The following LRRC4C variants were observed in gnomAD, a reference collection of about 807,000 sequenced individuals.
LRRC4C encodes leucine rich repeat containing 4C.
LRRC4C carries 5 observed loss-of-function variants against 33.6 expected under a neutral mutation model. That is an observed-to-expected ratio of 0.15 (90% CI 0.08 to 0.31). LRRC4C has a LOEUF of 0.31. Ranked by LOEUF, LRRC4C falls within the 10% of genes least tolerant of loss-of-function variation. The pLI, the probability that LRRC4C is intolerant of heterozygous loss-of-function variation, is 1.00. For synonymous variants in LRRC4C, 329 were observed against 302.0 expected, an observed-to-expected ratio of 1.09 and a Z score of -0.93; for missense variants, 560 against 796.7, an observed-to-expected ratio of 0.70 and a Z score of 3.58.
At chr11:40,951,055 A>C (rs1336904262) in intron 1 of LRRC4C, among the ~76,000 whole-genome samples, 4 of 151,938 alleles carry the variant, frequency 2.6e-5, no homozygotes, top group Admixed American at 2.6e-4. Context: ...ATAAGGTGAA[A>C]TATGAGCTGC....
At chr11:40,947,249 G>A (rs1253374228) in intron 1 of LRRC4C, among the ~76,000 whole-genome samples, 2 of 152,068 alleles carry the variant, frequency 1.3e-5, no homozygotes, top group African/African-American at 4.8e-5. Context: ...ATTCCCAATT[G>A]TAAAACGATG....
chr11:40,848,312 G>A (rs1271866550), intron 2 of LRRC4C, among the ~76,000 whole-genome samples: 1 of 152,030 alleles, frequency 6.6e-6, no homozygotes, highest in African/African-American at 2.4e-5. Flanking sequence ...TCTAAACATT[G>A]CTTTAGCTGT....
chr11:40,240,189 C>T (rs1865838237), intron 5 of LRRC4C, among the ~76,000 whole-genome samples: 1 of 152,086 alleles, frequency 6.6e-6, no homozygotes, highest in Non-Finnish European at 1.5e-5. Flanking sequence ...CATGTCTTTC[C>T]AGGCATCCAT....
intron 2 of LRRC4C, among the ~76,000 whole-genome samples, chr11:40,762,103 T>C (rs1333180912): frequency 1.3e-5 from 2 of 152,148 alleles, no homozygotes; most frequent in African/African-American, 4.8e-5. Context: ...AATTGGCTAT[T>C]TTTTCTGCAG....
chr11:40,895,322 AAT>A (rs1458337014), intron 2 of LRRC4C, among the ~76,000 whole-genome samples: 2 of 132,426 alleles, frequency 1.5e-5, no homozygotes, highest in Non-Finnish European at 1.6e-5. Context: ...TTTTAAATAT[AAT>A]ATGTTAAAAA....
chr11:40,948,374 T>C (rs1484938718), intron 1 of LRRC4C, among the ~76,000 whole-genome samples: 2 of 152,090 alleles, frequency 1.3e-5, no homozygotes, highest in Non-Finnish European at 2.9e-5. Context: ...CTTTTTCTTT[T>C]TTATTATTAT....
chr11:40,610,235 A>T (rs1194922658), intron 3 of LRRC4C, among the ~76,000 whole-genome samples: 1 of 152,028 alleles, frequency 6.6e-6, no homozygotes, highest in Non-Finnish European at 1.5e-5. Flanking sequence ...ATATATGAAC[A>T]TCAACCAATG....
intron 3 of LRRC4C, among the ~76,000 whole-genome samples, chr11:40,464,467 C>A (rs140318758): frequency 1.3e-5 from 2 of 151,930 alleles, no homozygotes; most frequent in African/African-American, 4.8e-5. Flanking sequence ...TACTGGAAGT[C>A]CTAGCAAGAG....
At chr11:41,114,892 C>T (rs2135723754) in intron 1 of LRRC4C, among the ~76,000 whole-genome samples, 1 of 151,942 alleles carries the variant, frequency 6.6e-6, no homozygotes, top group South Asian at 2.1e-4. Flanking sequence ...TTCAAAAGTT[C>T]AAAAGTAATT....
At chr11:40,790,240 G>A (rs1418539826) in intron 2 of LRRC4C, among the ~76,000 whole-genome samples, 1 of 152,124 alleles carries the variant, frequency 6.6e-6, no homozygotes, top group Non-Finnish European at 1.5e-5. Context: ...CTCATTTGAA[G>A]TTCTTATTTG....
chr11:40,950,439 A>G (rs1297952910), intron 1 of LRRC4C, among the ~76,000 whole-genome samples: 6 of 151,932 alleles, frequency 3.9e-5, no homozygotes, highest in Non-Finnish European at 8.8e-5. Flanking sequence ...ATTTTCCCCA[A>G]ATTTTCAAAT....
intron 3 of LRRC4C, among the ~76,000 whole-genome samples, chr11:40,365,993 G>T (rs547507285): frequency 6.6e-6 from 1 of 152,026 alleles, no homozygotes; most frequent in Non-Finnish European, 1.5e-5. Context: ...AGATTCAGTG[G>T]GGTATACAGA....
chr11:40,227,949 G>A lies in LRRC4C; in HGVS notation c.-96+13570C>T, dbSNP rs547939431. Among the ~76,000 whole-genome samples the A allele has an allele frequency of 5.3e-5, 8 of 152,254 alleles. 1 individual carries two copies. The South Asian group carries it at 1.7e-3, about 32-fold the overall frequency. On this transcript the variant is annotated intron_variant, in intron 5 of 6. Coordinates refer to ENST00000528697, the MANE Select transcript of LRRC4C (RefSeq NM_001258419.2). The stretch of plus-strand genomic sequence containing the variant: ...CATATGTTAACCCACATAAACCAGA[G>A]AGCAATCTGCATGACAGTTTATGAT...
At chr11:41,104,889 ATCTG>A (rs1426949618) in intron 1 of LRRC4C, among the ~76,000 whole-genome samples, 1 of 152,006 alleles carries the variant, frequency 6.6e-6, no homozygotes, top group East Asian at 1.9e-4. Context: ...GAAATGGAGA[ATCTG>A]TAAAGACAGA....
intron 2 of LRRC4C, among the ~76,000 whole-genome samples, chr11:40,820,952 A>G (rs1951904703): frequency 6.6e-6 from 1 of 151,814 alleles, no homozygotes; most frequent in Non-Finnish European, 1.5e-5. Flanking sequence ...AAGAAGTAAA[A>G]TAACTTTGCA....
At chr11:41,141,167 G>C (rs975470373) in intron 1 of LRRC4C, among the ~76,000 whole-genome samples, 1 of 151,978 alleles carries the variant, frequency 6.6e-6, no homozygotes, top group African/African-American at 2.4e-5. Flanking sequence ...GATTGAGATG[G>C]CACAGTCAGA....
chr11:40,374,249 G>A (rs185394296), intron 3 of LRRC4C, among the ~76,000 whole-genome samples: 1 of 152,278 alleles, frequency 6.6e-6, no homozygotes, highest in East Asian at 1.9e-4. Context: ...CCGTAGTGGT[G>A]ATGCTTGTGG....
intron 4 of LRRC4C, among the ~76,000 whole-genome samples, chr11:40,306,613 C>T (rs144953370): frequency 6.6e-6 from 1 of 152,208 alleles, no homozygotes; most frequent in African/African-American, 2.4e-5. Flanking sequence ...CCACCCATGG[C>T]TAATACACAG....
intron 1 of LRRC4C, among the ~76,000 whole-genome samples, chr11:40,978,718 T>C (rs1240333017): frequency 4.6e-5 from 7 of 151,056 alleles, no homozygotes; most frequent in Non-Finnish European, 1.0e-4. Context: ...GCCTCCCAGG[T>C]TCAAGCGATT....
Sources: allele counts gnomAD v4.1 joint callset (sites outside exome capture counted in the v4.1 genomes callset), GRCh38; gene constraint gnomAD v4.1.1; transcripts MANE v1.5; gene names NCBI Gene and HGNC (gene_info 2026-07-23, HGNC 2026-07-21).